Variants in GTF2F2 observed in about 807,000 individuals in gnomAD.
GTF2F2 encodes ATP-dependent helicase GTF2F2.
GTF2F2 carries 23 observed loss-of-function variants against 42.2 expected under a neutral mutation model. That is an observed-to-expected ratio of 0.55 (90% CI 0.39 to 0.77). The LOEUF (loss-of-function observed/expected upper bound fraction) is 0.77. Ranked by LOEUF, GTF2F2 falls within the 30% of genes least tolerant of loss-of-function variation. The probability of loss-of-function intolerance (pLI) is 0.00; values close to 1 mark genes in which losing one functional copy is unlikely to be tolerated. For synonymous variants in GTF2F2, 105 were observed against 100.8 expected, an observed-to-expected ratio of 1.04 and a Z score of -0.25; for missense variants, 261 against 287.2, an observed-to-expected ratio of 0.91 and a Z score of 0.66.
chr13:45,154,979 C>G (rs965212593), intron 4 of GTF2F2, among the ~76,000 whole-genome samples: 1 of 152,140 alleles, frequency 6.6e-6, no homozygotes, highest in Non-Finnish European at 1.5e-5. Context: ...TTTGTTATTT[C>G]TAGTCATTAA....
chr13:45,155,391 TAG>T (rs1426045817), intron 4 of GTF2F2, among the ~76,000 whole-genome samples: 2 of 152,224 alleles, frequency 1.3e-5, no homozygotes, highest in African/African-American at 4.8e-5. Flanking sequence ...CTATAAAATG[TAG>T]AGTTTGTAAG....
chr13:45,219,187 C>T (rs1015734727), intron 5 of GTF2F2, among the ~76,000 whole-genome samples: 14 of 151,648 alleles, frequency 9.2e-5, no homozygotes, highest in African/African-American at 3.4e-4. Context: ...ATCTCATTTC[C>T]TTTCTCACAA....
chr13:45,267,909 T>C (rs1430386155), intron 7 of GTF2F2, among the ~76,000 whole-genome samples: 1 of 151,852 alleles, frequency 6.6e-6, no homozygotes, highest in East Asian at 1.9e-4. Flanking sequence ...TGTGATTAGG[T>C]TGGCCTGTTC....
chr13:45,248,578 A>G (rs886687191), intron 5 of GTF2F2, among the ~76,000 whole-genome samples: 2 of 151,734 alleles, frequency 1.3e-5, no homozygotes, highest in Admixed American at 1.3e-4. Context: ...GGTTCAAGCA[A>G]TTTTCCTGCC....
chr13:45,218,583 C>T (rs757220213), intron 5 of GTF2F2, among the ~76,000 whole-genome samples: 6 of 152,298 alleles, frequency 3.9e-5, no homozygotes, highest in Non-Finnish European at 8.8e-5. Flanking sequence ...TACCAGTTTA[C>T]TTAAAATTTA....
At chr13:45,269,924 C>A (rs1247892354) in intron 7 of GTF2F2, among the ~76,000 whole-genome samples, 1 of 152,060 alleles carries the variant, frequency 6.6e-6, no homozygotes, top group Admixed American at 6.6e-5. Context: ...CTCCACCTCC[C>A]GAGTTCAAGC....
At chr13:45,155,447 GT>G (rs1870709345) in intron 4 of GTF2F2, among the ~76,000 whole-genome samples, 1 of 152,134 alleles carries the variant, frequency 6.6e-6, no homozygotes, top group Non-Finnish European at 1.5e-5. Flanking sequence ...AGGAGTTTTA[GT>G]TTTAATAACT....
At chr13:45,257,949 C>T (rs1876172108) in intron 6 of GTF2F2, among the ~76,000 whole-genome samples, 1 of 152,144 alleles carries the variant, frequency 6.6e-6, no homozygotes, top group Admixed American at 6.6e-5. Flanking sequence ...TAACTAAACT[C>T]AGTCTCAACA....
intron 4 of GTF2F2, among the ~76,000 whole-genome samples, chr13:45,154,398 A>G (rs1566116500): frequency 6.6e-6 from 1 of 152,204 alleles, no homozygotes; most frequent in African/African-American, 2.4e-5. Flanking sequence ...GTTTCTGGCT[A>G]CAGTGTTCTC....
chr13:45,262,715 G>A (rs752230177), intron 6 of GTF2F2, among the ~76,000 whole-genome samples: 2 of 151,960 alleles, frequency 1.3e-5, no homozygotes, highest in South Asian at 2.1e-4. Context: ...CACTGCGCCC[G>A]GCCTAATCTT....
At chr13:45,232,381 C>G (rs1289510176) in intron 5 of GTF2F2, among the ~76,000 whole-genome samples, 2 of 152,158 alleles carry the variant, frequency 1.3e-5, no homozygotes, top group Admixed American at 6.5e-5. Context: ...AATCTCAGCA[C>G]TTTGGGAGGC....
chr13:45,174,634 C>CTTTTCT (rs1456234732), intron 4 of GTF2F2, among the ~76,000 whole-genome samples: 1,240 of 81,540 alleles, frequency 0.015, 25 homozygotes, highest in African/African-American at 0.05. Flanking sequence ...TTTCTTTTTT[C>CTTTTCT]TTTTTTTTTT....
At chr13:45,272,573 A>G (rs1413925602) in intron 7 of GTF2F2, among the ~76,000 whole-genome samples, 2 of 151,210 alleles carry the variant, frequency 1.3e-5, no homozygotes, top group East Asian at 2.0e-4. Context: ...TGAAACCCCA[A>G]CTCTACAAAA....
intron 4 of GTF2F2, among the ~76,000 whole-genome samples, chr13:45,188,608 C>T (rs911490801): frequency 6.6e-6 from 1 of 152,086 alleles, no homozygotes; most frequent in Non-Finnish European, 1.5e-5. Context: ...TTGCAAAAGC[C>T]CTGTCAAATA....
chr13:45,245,243 C>A (rs769303767), intron 5 of GTF2F2, among the ~76,000 whole-genome samples: 1 of 151,924 alleles, frequency 6.6e-6, no homozygotes, highest in African/African-American at 2.4e-5. Flanking sequence ...GTCTACCCTG[C>A]GTAGGTTATA....
intron 4 of GTF2F2, among the ~76,000 whole-genome samples, chr13:45,201,294 G>A (rs1367169356): frequency 1.3e-5 from 2 of 152,084 alleles, no homozygotes; most frequent in African/African-American, 4.8e-5. Flanking sequence ...TCAAGCCTTG[G>A]GCAGCTTCTT....
At chr13:45,198,590 A>G (rs1479374055) in intron 4 of GTF2F2, among the ~76,000 whole-genome samples, 2 of 152,268 alleles carry the variant, frequency 1.3e-5, no homozygotes, top group African/African-American at 4.8e-5. Flanking sequence ...CTTGTCTTTT[A>G]AAAGGATTTC....
chr13:45,162,424 T>C (rs1340682827), intron 4 of GTF2F2, among the ~76,000 whole-genome samples: 3 of 152,212 alleles, frequency 2.0e-5, no homozygotes, highest in Non-Finnish European at 2.9e-5. Context: ...GACAATCTTA[T>C]ACTTGTGAGG....
chr13:45,149,170 T>C (rs1204548098), intron 2 of GTF2F2, among the ~76,000 whole-genome samples: 1 of 151,550 alleles, frequency 6.6e-6, no homozygotes, highest in Non-Finnish European at 1.5e-5. Context: ...TAAGGCTGGG[T>C]GTAGTGGCTC....
Sources: gnomAD v4.1 joint callset for allele counts (sites outside exome capture counted in the v4.1 genomes callset) on GRCh38, gnomAD v4.1.1 for gene constraint, MANE v1.5 for transcripts, NCBI Gene and HGNC (gene_info 2026-07-23, HGNC 2026-07-21) for gene names.